SLC24A2: variants seen among roughly 807,000 people sequenced by gnomAD.
The protein encoded by SLC24A2 is sodium/potassium/calcium exchanger 2.
Under a neutral mutation model 62.0 loss-of-function variants are expected in SLC24A2, and 36 were observed. The ratio of observed to expected loss-of-function variants is 0.58; its 90% CI spans 0.44 to 0.77. The LOEUF is 0.77. Ranked by LOEUF, SLC24A2 falls within the 30% of genes least tolerant of loss-of-function variation. SLC24A2 has a pLI of 0.00. For missense variants in SLC24A2, 846 were observed against 817.9 expected (o/e 1.03, Z -0.42); for synonymous variants, 358 against 294.0 (o/e 1.22, Z -2.23).
At chr9:20,263,865 C>A in the SLC24A2 span, among the ~76,000 whole-genome samples, 8 of 55,082 alleles carry the variant, frequency 1.5e-4, no homozygotes, top group Non-Finnish European at 1.7e-4. Flanking sequence ...CCACCCGCCC[C>A]CCCCCCCCCA....
chr9:19,764,001 G>A (rs1451805556), intron 2 of SLC24A2, among the ~76,000 whole-genome samples: 1 of 152,076 alleles, frequency 6.6e-6, no homozygotes, highest in Non-Finnish European at 1.5e-5. Context: ...CTTGTTATTG[G>A]TCTACTCAGG....
chr9:20,047,630 C>G, the SLC24A2 span, among the ~76,000 whole-genome samples: 1 of 141,024 alleles, frequency 7.1e-6, no homozygotes, highest in East Asian at 2.2e-4. Context: ...TGTCTGGTGA[C>G]AGCCCACTAC....
At chr9:20,057,089 G>A in the SLC24A2 span, among the ~76,000 whole-genome samples, 1 of 152,262 alleles carries the variant, frequency 6.6e-6, no homozygotes, top group East Asian at 1.9e-4. Context: ...TGAACCCCAA[G>A]TGGGTATATG....
chr9:19,843,389 G>A, the SLC24A2 span, among the ~76,000 whole-genome samples: 2 of 152,224 alleles, frequency 1.3e-5, no homozygotes, highest in Non-Finnish European at 2.9e-5. Context: ...GCGCATGCCT[G>A]TAACCCTAGC....
the SLC24A2 span, among the ~76,000 whole-genome samples, chr9:19,988,401 G>A: frequency 6.6e-6 from 1 of 152,226 alleles, no homozygotes; most frequent in South Asian, 2.1e-4. Context: ...AGTTCACAAG[G>A]CTTTTAATCC....
At chr9:19,782,961 C>T (rs1434759679) in intron 2 of SLC24A2, among the ~76,000 whole-genome samples, 1 of 152,022 alleles carries the variant, frequency 6.6e-6, no homozygotes, top group Non-Finnish European at 1.5e-5. Context: ...TGGTATATAA[C>T]TTTTTAAAAA....
At chr9:19,524,184 C>T in intron 9 of SLC24A2, among the ~76,000 whole-genome samples, 1 of 145,256 alleles carries the variant, frequency 6.9e-6, no homozygotes, top group East Asian at 2.1e-4. Context: ...TCAGAGGAGG[C>T]CAAACTCCAT....
intron 5 of SLC24A2, among the ~76,000 whole-genome samples, chr9:19,587,491 G>A (rs1278206299): frequency 2.6e-5 from 4 of 152,138 alleles, no homozygotes; most frequent in Non-Finnish European, 2.9e-5. Flanking sequence ...CATGTGAAAC[G>A]TGGGTTAGCA....
At chr9:20,007,785 T>C in the SLC24A2 span, among the ~76,000 whole-genome samples, 17 of 150,634 alleles carry the variant, frequency 1.1e-4, no homozygotes, top group African/African-American at 4.1e-4. Flanking sequence ...ATAAATCTCC[T>C]GTCCTCTTCT....
At chr9:19,967,659 T>C in the SLC24A2 span, 1 of 152,178 alleles carries the variant, frequency 6.6e-6, no homozygotes, top group Non-Finnish European at 1.5e-5. Flanking sequence ...CCTTAGCAAA[T>C]CTCATCATAA....
At chr9:19,542,207 T>A (rs1834301766) in intron 8 of SLC24A2, among the ~76,000 whole-genome samples, 1 of 152,226 alleles carries the variant, frequency 6.6e-6, no homozygotes, top group Admixed American at 6.5e-5. Flanking sequence ...GAGCTGTTCC[T>A]ATTCGGCCAT....
chr9:19,567,279 G>A (rs1390766692), intron 7 of SLC24A2, among the ~76,000 whole-genome samples: 2 of 151,652 alleles, frequency 1.3e-5, no homozygotes, highest in Non-Finnish European at 2.9e-5. Flanking sequence ...GGGCACGGTG[G>A]CTCACACCTG....
chr9:19,610,187 G>A (rs574719041), intron 4 of SLC24A2, among the ~76,000 whole-genome samples: 1 of 151,316 alleles, frequency 6.6e-6, no homozygotes, highest in South Asian at 2.1e-4. Context: ...ATGAAAAAAT[G>A]TAAATGAAAA....
At chr9:19,845,994 C>A in the SLC24A2 span, among the ~76,000 whole-genome samples, 1 of 151,708 alleles carries the variant, frequency 6.6e-6, no homozygotes, top group Non-Finnish European at 1.5e-5. Context: ...TTTATTGAGA[C>A]CTGCTTTATG....
chr9:20,102,800 C>A, the SLC24A2 span, among the ~76,000 whole-genome samples: 2 of 152,132 alleles, frequency 1.3e-5, no homozygotes, highest in African/African-American at 4.8e-5. Flanking sequence ...GCATTTCCAT[C>A]TCAGGTACTG....
the SLC24A2 span, among the ~76,000 whole-genome samples, chr9:20,107,331 T>C: frequency 2.6e-5 from 4 of 151,380 alleles, no homozygotes; most frequent in East Asian, 3.9e-4. Context: ...CTTCACAGAA[T>C]TGGAAAAAAC....
Position 19,698,185 on chromosome 9 carries a change from C to T in SLC24A2, c.931-75886G>A, listed in dbSNP as rs78402672. Among the ~76,000 whole-genome samples, 713 of 152,198 alleles carry T rather than the reference C, an allele frequency of 4.7e-3. 4 individuals carry two copies. Among genetic ancestry groups the T allele is most frequent in the Admixed American group, 9.5e-3 (145 of 15,278 alleles). On this transcript the variant is annotated intron_variant, in intron 2 of 10. Transcript: ENST00000341998. ...TCCAAAATCCAAAACGTTTTGAGCA[C>T]GGACATGATGCCATAGATGAAAAAT... is the stretch of plus-strand genomic sequence containing the variant.
intron 8 of SLC24A2, among the ~76,000 whole-genome samples, chr9:19,541,492 G>C (rs1294065755): frequency 6.7e-5 from 10 of 149,854 alleles, no homozygotes; most frequent in Non-Finnish European, 1.3e-4. Context: ...GCCCCTGCTG[G>C]GGGGTGCCTC....
chr9:19,609,586 T>C (rs1483358232), intron 4 of SLC24A2, among the ~76,000 whole-genome samples: 1 of 152,222 alleles, frequency 6.6e-6, no homozygotes, highest in African/African-American at 2.4e-5. Flanking sequence ...TCTTCAGAAA[T>C]GATGATTGTG....
Sources: allele counts gnomAD v4.1 joint callset (sites outside exome capture counted in the v4.1 genomes callset), GRCh38; gene constraint gnomAD v4.1.1; transcripts MANE v1.5; gene names NCBI Gene and HGNC (gene_info 2026-07-23, HGNC 2026-07-21).